ARAP2: variants seen among roughly 807,000 people sequenced by gnomAD.
The protein encoded by ARAP2 is arf-GAP with Rho-GAP domain, ANK repeat and PH domain-containing protein 2.
ARAP2 carries 148 observed loss-of-function variants against 194.5 expected under a neutral mutation model. The observed-to-expected ratio is 0.76, with a 90% CI of 0.67 to 0.87. The LOEUF is 0.87. Ranked by LOEUF, ARAP2 falls within the 40% of genes least tolerant of loss-of-function variation. ARAP2 has a pLI of 0.00. For synonymous variants in ARAP2, 695 were observed against 683.5 expected (o/e 1.02, Z -0.26); for missense variants, 2,128 against 1,989.7 (o/e 1.07, Z -1.32).
intron 2 of ARAP2, among the ~76,000 whole-genome samples, chr4:36,226,860 G>C (rs1357143721): frequency 6.6e-6 from 1 of 152,128 alleles, no homozygotes; most frequent in Non-Finnish European, 1.5e-5. Context: ...CTCCCAAAGG[G>C]ATTCAGTCCT....
intron 6 of ARAP2, among the ~76,000 whole-genome samples, chr4:36,208,919 C>A (rs1469887890): frequency 6.6e-6 from 1 of 152,050 alleles, no homozygotes; most frequent in Non-Finnish European, 1.5e-5. Context: ...CAGCATCTAA[C>A]CTTAGGCAGG....
intron 8 of ARAP2, among the ~76,000 whole-genome samples, chr4:36,013,882 TAA>T (rs1010066875): frequency 2.0e-4 from 30 of 152,092 alleles, no homozygotes; most frequent in African/African-American, 7.2e-4. Context: ...ATTAAATAAA[TAA>T]GTTAGAACAT....
At chr4:36,068,925 C>T (rs1005068131) in intron 32 of ARAP2, among the ~76,000 whole-genome samples, 17 of 152,176 alleles carry the variant, frequency 1.1e-4, no homozygotes, top group Non-Finnish European at 2.2e-4. Flanking sequence ...ATTCAACATA[C>T]CACTTCGAAG....
intron 32 of ARAP2, among the ~76,000 whole-genome samples, chr4:36,071,091 G>T (rs1726755532): frequency 6.6e-6 from 1 of 151,930 alleles, no homozygotes; most frequent in South Asian, 2.1e-4. Flanking sequence ...CGTTATTTTT[G>T]TTTTACAGAT....
intron 5 of ARAP2, 114 bp downstream of exon 5, chr4:36,212,282 C>A: frequency 2.4e-6 from 2 of 833,042 alleles, no homozygotes; most frequent in Non-Finnish European, 3.5e-6. Flanking sequence ...AAAAATTGAA[C>A]TTATCACCAT....
Position 36,101,958 on chromosome 4 carries a change from A to T in ARAP2, c.4285+5607T>A, listed in dbSNP as rs561204765. Among the ~76,000 whole-genome samples the T allele has an allele frequency of 1.4e-4, 20 of 142,490 alleles. 1 individual carries two copies. The East Asian group carries it at 3.4e-3, about 24-fold the overall frequency. The allele number at this position is 142,490 out of a possible 152,430, so 93.5% of individuals were successfully genotyped here. A position where few individuals can be genotyped will look rare whatever the true frequency, so the allele number is the denominator to read the frequency against. The stretch of plus-strand genomic sequence containing the variant: ...TAAGCACTCTTTTTTCCTAAAAATT[A>T]CTCCTTTGACAATTTACGTGGCATT... On this transcript the variant is annotated intron_variant, in intron 27 of 32. Coordinates refer to ENST00000303965, the MANE Select transcript of ARAP2 (RefSeq NM_015230.4).
chr4:36,196,324 G>A (rs1488299059), intron 6 of ARAP2, among the ~76,000 whole-genome samples: 5 of 152,066 alleles, frequency 3.3e-5, no homozygotes, highest in African/African-American at 9.7e-5. Context: ...AGGGAGGGCC[G>A]ATAGCTTACT....
intron 1 of ARAP2, 99 bp from the exon 2 acceptor site, chr4:36,229,744 ACT>A (rs1249821138): frequency 3.4e-6 from 1 of 290,228 alleles, no homozygotes; most frequent in African/African-American, 2.2e-5. Flanking sequence ...TAGGACACTA[ACT>A]CTCACTCTGC....
At chr4:36,033,349 GGT>G (rs1217015791) in intron 5 of ARAP2, among the ~76,000 whole-genome samples, 1 of 152,086 alleles carries the variant, frequency 6.6e-6, no homozygotes, top group Non-Finnish European at 1.5e-5. Flanking sequence ...CATTCTGACT[GGT>G]GTGAGATGGT....
At chr4:36,204,882 G>A (rs761654821) in intron 6 of ARAP2, among the ~76,000 whole-genome samples, 3 of 150,210 alleles carry the variant, frequency 2.0e-5, no homozygotes, top group African/African-American at 4.9e-5. Context: ...CCGACTACTC[G>A]GGAGGCTGTG....
In ARAP2 at chr4:36,128,627, A is replaced by G; in HGVS notation, c.3546T>C (p.Leu1182=). Residue 1182 remains leucine, a synonymous_variant, in exon 21 of 33, where the codon CTT becomes CTC. Transcript: ENST00000303965. ...SFKLRAGKHQ[L]EDVTAVLKSF... is the part of the protein sequence containing the mutation. ...TTTTCAACACAGCCGTCACATCTTC[A>G]AGCTGATGTTTTCCAGCCCTCAATT... The G allele has an allele frequency of 6.2e-7, 1 of 1,613,048 alleles. No individual in the cohort carries two copies. The highest frequency in any genetic ancestry group is 8.5e-7 in the Non-Finnish European group (1 of 1,179,510).
chr4:36,159,387 G>A lies in ARAP2; in HGVS notation c.2561C>T (p.Ala854Val), dbSNP rs1329458630. 6.2e-7 allele frequency: 1 copy of A among 1,610,342 alleles called. No individual in the cohort carries two copies. The change falls in exon 14 of 33, where the codon GCC becomes GTC. Residue 854 changes from alanine to valine, a missense_variant. By Grantham distance (64) the Ala-to-Val change is moderately conservative. Transcript: ENST00000303965. ...DPVHSTPYLL[A>V]KKAGQSLQME... ...TTGCAGACTTTGCCCAGCTTTCTTGGCTAGCAGATAGGGGGTGCTATGCAC... is the reference window on the plus strand; with the variant it reads ...TTGCAGACTTTGCCCAGCTTTCTTGACTAGCAGATAGGGGGTGCTATGCAC...
chr4:36,238,751 A>G (rs1319702482), intron 1 of ARAP2, among the ~76,000 whole-genome samples: 1 of 152,214 alleles, frequency 6.6e-6, no homozygotes, highest in Non-Finnish European at 1.5e-5. Flanking sequence ...TGTAATTGCT[A>G]TATAAAGCAA....
At chr4:36,088,617 C>T (rs1218696282) in intron 28 of ARAP2, among the ~76,000 whole-genome samples, 5 of 152,046 alleles carry the variant, frequency 3.3e-5, no homozygotes, top group Admixed American at 2.6e-4. Context: ...TAGTCTCCTG[C>T]CTGGACATTC....
chr4:36,006,349 A>G (rs932540515), intron 10 of ARAP2: 6 of 152,202 alleles, frequency 3.9e-5, no homozygotes, highest in African/African-American at 1.4e-4. Context: ...TTATTGTATT[A>G]TACATTATCG....
At chr4:36,010,174 ATAT>A (rs1454882314) in intron 9 of ARAP2, among the ~76,000 whole-genome samples, 2 of 151,282 alleles carry the variant, frequency 1.3e-5, no homozygotes, top group African/African-American at 2.4e-5. Flanking sequence ...CATGTGTTAA[ATAT>A]TATATGTTAT....
At chr4:36,152,775 TC>T (rs1731306788) in intron 15 of ARAP2, among the ~76,000 whole-genome samples, 2 of 152,146 alleles carry the variant, frequency 1.3e-5, no homozygotes, top group African/African-American at 4.8e-5. Flanking sequence ...CTACAATCCT[TC>T]CATAATATCA....
chr4:36,090,719 T>C (rs1567485), intron 28 of ARAP2, among the ~76,000 whole-genome samples: 143,818 of 152,190 alleles, frequency 0.94, 68,014 homozygotes, highest in African/African-American at 0.98. Context: ...TGAGAACACA[T>C]GGACACATAG....
At chr4:36,073,124 C>A (rs941363050) in intron 32 of ARAP2, among the ~76,000 whole-genome samples, 1 of 152,052 alleles carries the variant, frequency 6.6e-6, no homozygotes, top group African/African-American at 2.4e-5. Context: ...CTGAAGAGGC[C>A]AAACTTCATG....
Sources: allele counts gnomAD v4.1 joint callset (sites outside exome capture counted in the v4.1 genomes callset), GRCh38; gene constraint gnomAD v4.1.1; transcripts MANE v1.5; gene names NCBI Gene and HGNC (gene_info 2026-07-23, HGNC 2026-07-21).